The following FOXN3 variants were observed in gnomAD, a reference collection of about 807,000 sequenced individuals.
FOXN3 encodes the protein forkhead box protein N3.
A neutral mutation model predicts 38.4 loss-of-function variants in FOXN3; 7 were observed. The observed-to-expected ratio is 0.18, with a 90% CI of 0.10 to 0.34. The LOEUF (loss-of-function observed/expected upper bound fraction) is 0.34. FOXN3 is among the 10% of genes least tolerant of loss of function. The pLI is 1.00. For missense variants in FOXN3, 456 were observed against 613.4 expected (o/e 0.74, Z 2.71); for synonymous variants, 230 against 242.2 (o/e 0.95, Z 0.47).
chr14:89,325,422 A>G (rs1888052135), intron 3 of FOXN3, among the ~76,000 whole-genome samples: 1 of 149,876 alleles, frequency 6.7e-6, no homozygotes, highest in Non-Finnish European at 1.5e-5. Context: ...TCTAACCTCT[A>G]ACTCTGCACT....
intron 4 of FOXN3, among the ~76,000 whole-genome samples, chr14:89,278,246 C>T (rs1386002122): frequency 6.6e-6 from 1 of 152,124 alleles, no homozygotes; most frequent in African/African-American, 2.4e-5. Flanking sequence ...GAAAGCCAAG[C>T]AAAAGGGAAA....
chr14:89,601,461 A>T (rs1049579871), intron 1 of FOXN3, among the ~76,000 whole-genome samples: 3 of 152,236 alleles, frequency 2.0e-5, no homozygotes, highest in African/African-American at 4.8e-5. Context: ...TGATTCCACA[A>T]TTTAACTTAG....
At chr14:89,503,616 C>G (rs1893847226) in intron 1 of FOXN3, among the ~76,000 whole-genome samples, 1 of 152,188 alleles carries the variant, frequency 6.6e-6, no homozygotes. Context: ...ATAGCAACCA[C>G]ACGTTTTATA....
At chr14:89,450,909 T>A (rs1159678090) in intron 1 of FOXN3, among the ~76,000 whole-genome samples, 2 of 152,232 alleles carry the variant, frequency 1.3e-5, no homozygotes, top group Non-Finnish European at 2.9e-5. Context: ...ATCTAGGACA[T>A]GTGGCATGCC....
At chr14:89,321,940 G>A (rs557225912) in intron 3 of FOXN3, among the ~76,000 whole-genome samples, 4 of 152,184 alleles carry the variant, frequency 2.6e-5, no homozygotes, top group Admixed American at 6.5e-5. Context: ...AAAGAAAACC[G>A]GTAAATTATT....
At chr14:89,360,738 AGCACCAC>A in intron 2 of FOXN3, among the ~76,000 whole-genome samples, 1 of 132,588 alleles carries the variant, frequency 7.5e-6, no homozygotes, top group Non-Finnish European at 1.6e-5. Context: ...CACCACCTCC[AGCACCAC>A]CTCCACCACC....
At chr14:89,462,143 T>C (rs1892861351) in intron 1 of FOXN3, among the ~76,000 whole-genome samples, 2 of 152,256 alleles carry the variant, frequency 1.3e-5, no homozygotes, top group African/African-American at 4.8e-5. Flanking sequence ...AATCTGCCTT[T>C]GGGGTAAACC....
chr14:89,534,466 A>G (rs554198651), intron 1 of FOXN3, among the ~76,000 whole-genome samples: 2 of 152,226 alleles, frequency 1.3e-5, no homozygotes, highest in South Asian at 2.1e-4. Context: ...TTGGAATTTT[A>G]CCTTTTAGCC....
At chr14:89,476,599 A>G (rs542439547) in intron 1 of FOXN3, among the ~76,000 whole-genome samples, 1 of 152,388 alleles carries the variant, frequency 6.6e-6, no homozygotes. Flanking sequence ...ACATGGACAC[A>G]TAAACCACAT....
At chr14:89,477,448 C>G (rs1344492662) in intron 1 of FOXN3, among the ~76,000 whole-genome samples, 1 of 152,256 alleles carries the variant, frequency 6.6e-6, no homozygotes, top group Non-Finnish European at 1.5e-5. Flanking sequence ...GGAGTCACTT[C>G]AACCCTTGAT....
At chr14:89,446,053 A>G (rs1892486753) in intron 1 of FOXN3, among the ~76,000 whole-genome samples, 1 of 130,358 alleles carries the variant, frequency 7.7e-6, no homozygotes, top group Non-Finnish European at 1.6e-5. Context: ...ATACCACCGC[A>G]CTCTAGCCTG....
intron 1 of FOXN3, among the ~76,000 whole-genome samples, chr14:89,520,854 AACAG>A (rs1442361548): frequency 3.3e-5 from 5 of 152,234 alleles, no homozygotes; most frequent in Non-Finnish European, 7.3e-5. Context: ...GGTTGTAATT[AACAG>A]ACAAAGATTT....
chr14:89,412,127 T>G lies in FOXN3; in HGVS notation c.350A>C (p.Tyr117Ser), dbSNP rs762008613. 6.2e-7 allele frequency: 1 copy of G among 1,608,894 alleles called. No homozygotes were observed. The highest frequency in any genetic ancestry group is 8.5e-7 in the Non-Finnish European group (1 of 1,177,576). Residue 117 changes from tyrosine to serine, a missense_variant, in exon 2 of 6, where the codon TAC becomes TCC. Tyr to Ser is a moderately radical substitution (Grantham distance 144). Around this residue, in one of 3 missense-constraint regions of FOXN3, gnomAD observed 386 missense variants for 505.2 expected, o/e 0.76. Coordinates refer to ENST00000557258, the MANE Select transcript of FOXN3 (RefSeq NM_005197.4). The surrounding 1 kb of genome is among the most constrained non-coding windows in gnomAD (Gnocchi z 4.7). ...ARQNPNCKPP[Y>S]SFSCLIFMAI... is the part of the protein sequence containing the mutation. ...CATAAATATGAGGCAGCTGAAGGAG[T>G]AGGGGGGTTTGCAGTTGGGGTTCTG... is the stretch of plus-strand genomic sequence containing the variant.
chr14:89,232,440 G>A (rs1884842058), intron 4 of FOXN3, among the ~76,000 whole-genome samples: 1 of 152,098 alleles, frequency 6.6e-6, no homozygotes, highest in African/African-American at 2.4e-5. Context: ...CATTTCAATC[G>A]ATGTAAACCA....
At position 89,163,084 on chromosome 14, in the gene FOXN3, T is replaced by C; in HGVS notation, c.852-115A>G. On this transcript the variant is annotated intron_variant, in intron 5 of 5. Coordinates refer to ENST00000557258, the MANE Select transcript of FOXN3 (RefSeq NM_005197.4). The surrounding 1 kb of genome is among the most constrained non-coding windows in gnomAD (Gnocchi z 4.3). ...CATTCAACCATCAGTCCCTTTGTGTTCAATGGAGCCACTCGCAAACTGTGG... is the reference window on the plus strand; with the variant it reads ...CATTCAACCATCAGTCCCTTTGTGTCCAATGGAGCCACTCGCAAACTGTGG... 1.0e-6 allele frequency: 1 copy of C among 993,684 alleles called. No homozygotes were observed. Among genetic ancestry groups the C allele is most frequent in the Non-Finnish European group, 1.4e-6 (1 of 715,126 alleles). 61.6% of individuals were successfully genotyped at this position (993,684 alleles called of 1,614,324 possible). A position where few individuals can be genotyped will look rare whatever the true frequency, so the allele number is the denominator to read the frequency against.
intron 2 of FOXN3, among the ~76,000 whole-genome samples, chr14:89,407,835 C>CA (rs1411659842): frequency 6.6e-6 from 1 of 151,872 alleles, no homozygotes; most frequent in East Asian, 1.9e-4. Context: ...TGTCTCAAAA[C>CA]AAAAAACCGA....
intron 2 of FOXN3, among the ~76,000 whole-genome samples, chr14:89,397,441 TAA>T (rs35139656): frequency 1.7e-3 from 211 of 120,582 alleles, no homozygotes; most frequent in African/African-American, 5.2e-3. Flanking sequence ...AAATAAAAGT[TAA>T]AAAAAAAAAA....
At chr14:89,384,437 G>A (rs1295681994) in intron 2 of FOXN3, among the ~76,000 whole-genome samples, 1 of 152,166 alleles carries the variant, frequency 6.6e-6, no homozygotes, top group Non-Finnish European at 1.5e-5. Context: ...ATACGTACCA[G>A]GAACATACAA....
chr14:89,333,516 C>G (rs1178357995), intron 3 of FOXN3, among the ~76,000 whole-genome samples: 2 of 151,762 alleles, frequency 1.3e-5, no homozygotes, highest in East Asian at 3.9e-4. Context: ...TGGCTCATGC[C>G]TGTAATCCCA....
Sources: allele counts gnomAD v4.1 joint callset (sites outside exome capture counted in the v4.1 genomes callset), GRCh38; gene constraint gnomAD v4.1.1; regional missense constraint gnomAD v4.1.1; non-coding constraint Gnocchi (gnomAD v3.1); transcripts MANE v1.5; gene names NCBI Gene and HGNC (gene_info 2026-07-23, HGNC 2026-07-21).